Variants in RIMS1 observed in about 807,000 individuals in gnomAD.
RIMS1 encodes the protein regulating synaptic membrane exocytosis 1.
In RIMS1, 83 loss-of-function variants were observed where a neutral mutation model predicts 214.1. The observed-to-expected ratio is 0.39, with a 90% confidence interval of 0.32 to 0.47. RIMS1 has a LOEUF of 0.47. RIMS1 is among the 20% of genes least tolerant of loss of function. The probability of loss-of-function intolerance (pLI) is 0.99; values close to 1 mark genes in which losing one functional copy is unlikely to be tolerated. For synonymous variants in RIMS1, 793 were observed against 786.8 expected, an observed-to-expected ratio of 1.01 and a Z score of -0.13; for missense variants, 2,050 against 2,161.8, an observed-to-expected ratio of 0.95 and a Z score of 1.03.
At chr6:72,232,035 G>A (rs1380706487) in intron 6 of RIMS1, among the ~76,000 whole-genome samples, 1 of 151,616 alleles carries the variant, frequency 6.6e-6, no homozygotes, top group Non-Finnish European at 1.5e-5. Context: ...TTCTTGAAGT[G>A]TTTAAAGTAG....
At chr6:72,064,788 A>G (rs1586101547) in intron 2 of RIMS1, among the ~76,000 whole-genome samples, 1 of 152,228 alleles carries the variant, frequency 6.6e-6, no homozygotes, top group African/African-American at 2.4e-5. Flanking sequence ...AGTCTCTTGT[A>G]TAAATACAGG....
chr6:71,930,211 G>A (rs1481571960), intron 1 of RIMS1, among the ~76,000 whole-genome samples: 4 of 152,052 alleles, frequency 2.6e-5, no homozygotes, highest in Non-Finnish European at 4.4e-5. Flanking sequence ...GAAAAGGACA[G>A]AAGAGTATTG....
intron 1 of RIMS1, among the ~76,000 whole-genome samples, chr6:71,923,375 C>T (rs752236302): frequency 5.3e-5 from 8 of 152,028 alleles, no homozygotes; most frequent in Non-Finnish European, 7.4e-5. Context: ...TTATGTAGTG[C>T]GGATTTTCTT....
At chr6:72,109,842 G>A (rs1180215479) in intron 4 of RIMS1, among the ~76,000 whole-genome samples, 38 of 151,956 alleles carry the variant, frequency 2.5e-4, no homozygotes, top group Middle Eastern at 3.4e-3. Context: ...TAGGTCTAAC[G>A]TTTAAGTCTT....
chr6:72,319,058 T>C (rs1460901609), intron 28 of RIMS1, among the ~76,000 whole-genome samples: 1 of 152,050 alleles, frequency 6.6e-6, no homozygotes, highest in Non-Finnish European at 1.5e-5. Context: ...TTGAAAAGGA[T>C]AATATTTAAA....
chr6:72,226,136 T>C (rs1275405702), intron 6 of RIMS1, among the ~76,000 whole-genome samples: 7 of 152,116 alleles, frequency 4.6e-5, no homozygotes, highest in Admixed American at 3.3e-4. Flanking sequence ...TGCGCATGCA[T>C]GTGTGTGTAT....
At chr6:72,326,006 A>G (rs368845658) in intron 28 of RIMS1, among the ~76,000 whole-genome samples, 77 of 151,954 alleles carry the variant, frequency 5.1e-4, no homozygotes, top group Middle Eastern at 3.4e-3. Context: ...TGTGGTTAGT[A>G]ACTTGTGTAT....
chr6:71,926,802 G>T (rs1022277023), intron 1 of RIMS1, among the ~76,000 whole-genome samples: 2 of 152,222 alleles, frequency 1.3e-5, no homozygotes, highest in South Asian at 2.1e-4. Context: ...TACGATTCAT[G>T]ATATCATTTT....
chr6:72,239,584 A>G (rs532425126), intron 9 of RIMS1, among the ~76,000 whole-genome samples: 1 of 152,208 alleles, frequency 6.6e-6, no homozygotes, highest in Non-Finnish European at 1.5e-5. Context: ...CGGTGCAATC[A>G]ATGTGACTTT....
In RIMS1 at chr6:72,155,578, C is replaced by A. The variant is rs144663784; in HGVS notation, c.472-23997C>A. Among the ~76,000 whole-genome samples the A allele has an allele frequency of 5.7e-4, 81 of 141,476 alleles. 15 individuals are homozygous for A. Among genetic ancestry groups the A allele is most frequent in the Non-Finnish European group, 1.1e-3 (67 of 62,140 alleles). The allele number at this position is 141,476 out of a possible 152,430, so 92.8% of individuals were successfully genotyped here. A position where few individuals can be genotyped will look rare whatever the true frequency, so the allele number is the denominator to read the frequency against. ...TAATTGGACTTACAGTTCCACATGG[C>A]TGGGGAAGCCCCACAATCATGGTGG... On this transcript the variant is annotated intron_variant, in intron 4 of 33. Coordinates refer to ENST00000521978, the MANE Select transcript of RIMS1 (RefSeq NM_014989.7).
In RIMS1 at chr6:72,402,520, G is replaced by T. The variant is rs2098841080; in HGVS notation, c.*1806G>T. The T allele has an allele frequency of 6.6e-6, 1 of 152,530 alleles. No homozygotes were observed. Among genetic ancestry groups the T allele is most frequent in the South Asian group, 2.1e-4 (1 of 4,834 alleles). 9.4% of individuals were successfully genotyped at this position (152,530 alleles called of 1,614,324 possible). On this transcript the variant is annotated 3_prime_UTR_variant, in exon 34 of 34. Transcript: ENST00000521978. ...CTAGGTTTTAATTCATAGACATACT[G>T]CCTGCACCAAGTGAATTATTTATTA...
At chr6:72,362,149 G>C (rs948075958) in intron 29 of RIMS1, among the ~76,000 whole-genome samples, 2 of 152,018 alleles carry the variant, frequency 1.3e-5, no homozygotes, top group Admixed American at 6.6e-5. Flanking sequence ...ACTGAGAAAG[G>C]GAAAGGGATT....
At chr6:71,974,011 G>T (rs752287755) in intron 2 of RIMS1, among the ~76,000 whole-genome samples, 19 of 152,246 alleles carry the variant, frequency 1.2e-4, no homozygotes, top group African/African-American at 4.3e-4. Context: ...CATATCTGGG[G>T]AGGTGTTGGG....
chr6:72,182,638 C>G lies in RIMS1; in HGVS notation c.1167C>G (p.Arg389=), dbSNP rs2048536674. The change falls in exon 6 of 34, where the codon CGC becomes CGG. Residue 389 remains arginine, a synonymous_variant. Coordinates refer to ENST00000521978, the MANE Select transcript of RIMS1 (RefSeq NM_014989.7). ...TGTCCCGCGCCAGGCACGAGCGGCGCCACAGCGACGTGGCGCTCCCGCGCA... is the reference window on the plus strand; with the variant it reads ...TGTCCCGCGCCAGGCACGAGCGGCGGCACAGCGACGTGGCGCTCCCGCGCA... The part of the protein sequence containing the change: ...ARVSRARHER[R]HSDVALPRTE... 6 of 1,538,496 alleles carry G rather than the reference C, an allele frequency of 3.9e-6. No individual in the cohort carries two copies. Among genetic ancestry groups the G allele is most frequent in the Non-Finnish European group, 5.3e-6 (6 of 1,141,790 alleles).
At chr6:72,009,801 C>T (rs1027186428) in intron 2 of RIMS1, among the ~76,000 whole-genome samples, 19 of 152,106 alleles carry the variant, frequency 1.2e-4, no homozygotes, top group Non-Finnish European at 2.4e-4. Context: ...CTGAATAGAC[C>T]AATAACAGGC....
chr6:72,364,275 CGAG>C (rs919360700), intron 29 of RIMS1, among the ~76,000 whole-genome samples: 13 of 152,092 alleles, frequency 8.5e-5, no homozygotes, highest in Non-Finnish European at 1.5e-4. Flanking sequence ...CACATTATAA[CGAG>C]GAAATGTATC....
intron 2 of RIMS1, among the ~76,000 whole-genome samples, chr6:72,012,308 C>G (rs1214603636): frequency 6.6e-6 from 1 of 151,834 alleles, no homozygotes. Context: ...GGAAGGGGAA[C>G]ATGACACACT....
chr6:72,126,761 T>TAAAAAA (rs71540329), intron 4 of RIMS1: 2 of 124,558 alleles, frequency 1.6e-5, no homozygotes, highest in African/African-American at 3.6e-5. Context: ...ATTAAAAAGT[T>TAAAAAA]AAAAAAAAAA....
chr6:72,242,561 C>T, intron 10 of RIMS1, 124 bp downstream of exon 10: 1 of 630,530 alleles, frequency 1.6e-6, no homozygotes, highest in Non-Finnish European at 2.5e-6. Context: ...CAATTATGGG[C>T]ATACATTTTT....
Sources: allele counts gnomAD v4.1 joint callset (sites outside exome capture counted in the v4.1 genomes callset), GRCh38; gene constraint gnomAD v4.1.1; transcripts MANE v1.5; gene names NCBI Gene and HGNC (gene_info 2026-07-23, HGNC 2026-07-21).